NACC1: variants seen among roughly 807,000 people sequenced by gnomAD.
NACC1 encodes nucleus accumbens associated 1, also known as nucleus accumbens-associated protein 1.
Under a neutral mutation model 41.7 loss-of-function variants are expected in NACC1, and 6 were observed. The observed-to-expected ratio is 0.14, with a 90% confidence interval of 0.08 to 0.28. NACC1 has a LOEUF of 0.28. Among genes scored for constraint, NACC1 ranks in the 10% least tolerant of loss-of-function variants. The probability of loss-of-function intolerance (pLI) is 1.00; values close to 1 mark genes in which losing one functional copy is unlikely to be tolerated. For missense variants in NACC1, 434 were observed against 763.7 expected (o/e 0.57, Z 5.09); for synonymous variants, 338 against 330.6 (o/e 1.02, Z -0.24).
chr19:13,135,711 G>T lies in NACC1; in HGVS notation c.504G>T (p.Thr168=). 1 of 1,553,588 alleles carries T rather than the reference G, an allele frequency of 6.4e-7. No individual in the cohort carries two copies. Among genetic ancestry groups the T allele is most frequent in the East Asian group, 2.4e-5 (1 of 42,252 alleles). ...TGCCCCTCGTGTCGCGGGTGAAGAC[G>T]GAGCAGCAGGAGTCGGACTCCGTGC... ...TPLPLVSRVK[T]EQQESDSVQC... The change falls in exon 2 of 6, where the codon ACG becomes ACT. Residue 168 remains threonine (T), a synonymous_variant. Coordinates refer to ENST00000292431, the MANE Select transcript of NACC1 (RefSeq NM_052876.4).
chr19:13,138,113 C>T lies in NACC1; in HGVS notation c.1325-34C>T. The T allele has an allele frequency of 6.2e-7, 1 of 1,605,664 alleles. No individual in the cohort carries two copies. Among genetic ancestry groups the T allele is most frequent in the Non-Finnish European group, 8.5e-7 (1 of 1,174,066 alleles). ...TAGGCCTTGTGGGAGTCACCTGGCC[C>T]CCGTGCCAAGGCCGCACCCACCCTG... On this transcript the variant is annotated intron_variant, in intron 5 of 5. Coordinates refer to ENST00000292431, the MANE Select transcript of NACC1 (RefSeq NM_052876.4). The surrounding 1 kb of genome is among the most constrained non-coding windows in gnomAD (Gnocchi z 5.7).
At chr19:13,127,962 G>A (rs1276519958) in intron 1 of NACC1, among the ~76,000 whole-genome samples, 1 of 152,198 alleles carries the variant, frequency 6.6e-6, no homozygotes, top group Non-Finnish European at 1.5e-5. Context: ...ACTGCCAGGG[G>A]CCCCAATAAA....
chr19:13,131,260 C>T (rs2019631397), intron 1 of NACC1, among the ~76,000 whole-genome samples: 1 of 152,208 alleles, frequency 6.6e-6, no homozygotes, highest in Non-Finnish European at 1.5e-5. Context: ...GATGAATAAA[C>T]TGAGGCACAG....
Position 13,126,422 on chromosome 19 carries a change from C to T in NACC1, c.-9+7968C>T, listed in dbSNP as rs969613967. On this transcript the variant is annotated intron_variant, in intron 1 of 5. Transcript: ENST00000292431. ...TGAATTTTGGGAAGAGGCAAACATT[C>T]AGACCATAGCATCTGTCGACGGCCA... is the stretch of plus-strand genomic sequence containing the variant. Among the ~76,000 whole-genome samples, 5 of 152,296 alleles carry T rather than the reference C, an allele frequency of 3.3e-5. No individual in the cohort carries two copies. The South Asian group carries it at 1.0e-3, about 32-fold the overall frequency.
intron 1 of NACC1, among the ~76,000 whole-genome samples, chr19:13,134,168 C>T (rs1207532833): frequency 6.6e-6 from 1 of 152,052 alleles, no homozygotes; most frequent in Non-Finnish European, 1.5e-5. Context: ...AGATCCACCC[C>T]CCACCACACC....
chr19:13,127,400 T>TTTTTTTTTTTTTTTTTTTTTC (rs1245933408), intron 1 of NACC1, among the ~76,000 whole-genome samples: 11 of 100,828 alleles, frequency 1.1e-4, no homozygotes, highest in African/African-American at 3.9e-4. Flanking sequence ...TTTTTTTTTT[T>TTTTTTTTTTTTTTTTTTTTTC]CGGTTAACTG....
In NACC1 at chr19:13,138,111, C is replaced by T; in HGVS notation, c.1325-36C>T. The T allele has an allele frequency of 1.2e-6, 2 of 1,603,448 alleles. No homozygotes were observed. Among genetic ancestry groups the T allele is most frequent in the Non-Finnish European group, 1.7e-6 (2 of 1,173,226 alleles). On this transcript the variant is annotated intron_variant, in intron 5 of 5. Coordinates refer to ENST00000292431, the MANE Select transcript of NACC1 (RefSeq NM_052876.4). The surrounding 1 kb of genome is among the most constrained non-coding windows in gnomAD (Gnocchi z 5.7). ...AGTAGGCCTTGTGGGAGTCACCTGG[C>T]CCCCGTGCCAAGGCCGCACCCACCC...
At position 13,138,558 on chromosome 19, in the gene NACC1, T is replaced by A; in HGVS notation, c.*152T>A. 1 of 1,020,102 alleles carries A rather than the reference T, an allele frequency of 9.8e-7. No individual in the cohort carries two copies. Among genetic ancestry groups the A allele is most frequent in the Non-Finnish European group, 1.4e-6 (1 of 729,856 alleles). The allele number at this position is 1,020,102 out of a possible 1,614,324, so 63.2% of individuals were successfully genotyped here. ...TCTGCCCCTCCTGTCCTACCCCCTT[T>A]CCCCACCGAGAGCTGGGCCGGGAGA... On this transcript the variant is annotated 3_prime_UTR_variant, in exon 6 of 6. Transcript: ENST00000292431. The surrounding 1 kb of genome is among the most constrained non-coding windows in gnomAD (Gnocchi z 5.7).
upstream of NACC1, chr19:13,117,090 T>G (rs2019395192): frequency 1.3e-5 from 2 of 152,314 alleles, no homozygotes; most frequent in African/African-American, 4.8e-5. Context: ...GGCAGGTTAC[T>G]CCCGCGGCTT....
At chr19:13,130,130 A>G (rs4926117) in intron 1 of NACC1, among the ~76,000 whole-genome samples, 27,359 of 151,958 alleles carry the variant, frequency 0.18, 2,736 homozygotes, top group Non-Finnish European at 0.19. Flanking sequence ...AGGCTGAAAT[A>G]TAGTGGCACA....
At chr19:13,125,620 G>T (rs1014335804) in intron 1 of NACC1, among the ~76,000 whole-genome samples, 1 of 151,910 alleles carries the variant, frequency 6.6e-6, no homozygotes, top group Non-Finnish European at 1.5e-5. Flanking sequence ...GGGTTTCACT[G>T]TGTTGCCCAG....
In NACC1 at chr19:13,137,741, G is replaced by C. The variant is rs949731705; in HGVS notation, c.1324+166G>C. Among the ~76,000 whole-genome samples, 2 of 152,302 alleles carry C rather than the reference G, an allele frequency of 1.3e-5. No individual in the cohort carries two copies. Among genetic ancestry groups the C allele is most frequent in the Admixed American group, 6.5e-5 (1 of 15,300 alleles). On this transcript the variant is annotated intron_variant, in intron 5 of 5. Coordinates refer to ENST00000292431, the MANE Select transcript of NACC1 (RefSeq NM_052876.4). The surrounding 1 kb of genome is among the most constrained non-coding windows in gnomAD (Gnocchi z 6.1). Reference sequence around the variant, plus strand: ...GCTGTGATTGCTTAGAGATTTCTTCGTGTTTGGGGGATGCACGTGCCGAAG... The same window carrying C: ...GCTGTGATTGCTTAGAGATTTCTTCCTGTTTGGGGGATGCACGTGCCGAAG...
Position 13,136,556 on chromosome 19 carries a change from T to C in NACC1, c.1120+151T>C. On this transcript the variant is annotated intron_variant, in intron 3 of 5. Transcript: ENST00000292431. This position sits in a 1 kb window ranked among gnomAD's most constrained non-coding sequence, Gnocchi z 5.5. ...AACAGCCACCCTAAGGGTGGGGGCG[T>C]TGGTGAGATGGAGGAGCTGATACAG... 1.1e-6 allele frequency: 1 copy of C among 933,580 alleles called. No homozygotes were observed. The highest frequency in any genetic ancestry group is 1.5e-6 in the Non-Finnish European group (1 of 646,976). The allele number at this position is 933,580 out of a possible 1,614,324, so 57.8% of individuals were successfully genotyped here.
In NACC1 at chr19:13,138,619, CTTCT is replaced by C; in HGVS notation, c.*216_*219del. The C allele has an allele frequency of 1.5e-6, 1 of 659,026 alleles. No homozygotes were observed. Among genetic ancestry groups the C allele is most frequent in the Non-Finnish European group, 2.6e-6 (1 of 392,062 alleles). The allele number at this position is 659,026 out of a possible 1,614,324, so 40.8% of individuals were successfully genotyped here. A position where few individuals can be genotyped will look rare whatever the true frequency, so the allele number is the denominator to read the frequency against. ...GCAGGTGGCGTGAGGTCCGTGTTGC[CTTCT>C]TTAACACACACTCGTGCAGTGGGGG... On this transcript the variant is annotated 3_prime_UTR_variant, in exon 6 of 6. Coordinates refer to ENST00000292431, the MANE Select transcript of NACC1 (RefSeq NM_052876.4). This position sits in a 1 kb window ranked among gnomAD's most constrained non-coding sequence, Gnocchi z 5.7.
In NACC1 at chr19:13,137,763, G is replaced by A. The variant is rs773980944; in HGVS notation, c.1324+188G>A. Among the ~76,000 whole-genome samples, 3 of 152,202 alleles carry A rather than the reference G, an allele frequency of 2.0e-5. No homozygotes were observed. Among genetic ancestry groups the A allele is most frequent in the Non-Finnish European group, 4.4e-5 (3 of 68,036 alleles). ...TTCGTGTTTGGGGGATGCACGTGCC[G>A]AAGGGAAGCCAGGGAGCCTGTGTCA... is the stretch of plus-strand genomic sequence containing the variant. On this transcript the variant is annotated intron_variant, in intron 5 of 5. Transcript: ENST00000292431. The surrounding 1 kb of genome is among the most constrained non-coding windows in gnomAD (Gnocchi z 6.1).
At chr19:13,117,316 C>T (rs2019399592), upstream of NACC1, among the ~76,000 whole-genome samples, 1 of 152,202 alleles carries the variant, frequency 6.6e-6, no homozygotes, top group South Asian at 2.1e-4. Flanking sequence ...ACTTAAGTTA[C>T]CGCTTTTGCA....
At chr19:13,130,150 C>T (rs1399251373) in intron 1 of NACC1, among the ~76,000 whole-genome samples, 1 of 152,158 alleles carries the variant, frequency 6.6e-6, no homozygotes, top group Non-Finnish European at 1.5e-5. Context: ...AATCATCACT[C>T]ACTGCAGCCT....
Position 13,139,403 on chromosome 19 carries a change from A to G in NACC1, c.*997A>G, listed in dbSNP as rs1220440671. 2 of 151,910 alleles carry G rather than the reference A, an allele frequency of 1.3e-5. No homozygotes were observed. The highest frequency in any genetic ancestry group is 2.9e-5 in the Non-Finnish European group (2 of 67,974). The allele number at this position is 151,910 out of a possible 1,614,324, so 9.4% of individuals were successfully genotyped here. On this transcript the variant is annotated 3_prime_UTR_variant, in exon 6 of 6. Coordinates refer to ENST00000292431, the MANE Select transcript of NACC1 (RefSeq NM_052876.4). ...AAGATTCCTTTTATTTTTCAAACCA[A>G]TGGGGCTGTGTCTATTGTCCCCCTC...
rs1463401266 is a variant in NACC1, at chr19:13,139,937, C to G, written c.*1531C>G. The stretch of plus-strand genomic sequence containing the variant: ...TCCTCCCTGCCTCTCATCTGCCTCC[C>G]CAACCCCCACCTACCCACTGCTCCC... On this transcript the variant is annotated 3_prime_UTR_variant, in exon 6 of 6. Transcript: ENST00000292431. 2 of 152,422 alleles carry G rather than the reference C, an allele frequency of 1.3e-5. No individual in the cohort carries two copies. The highest frequency in any genetic ancestry group is 2.9e-5 in the Non-Finnish European group (2 of 68,244). The allele number at this position is 152,422 out of a possible 1,614,324, so 9.4% of individuals were successfully genotyped here. A position where few individuals can be genotyped will look rare whatever the true frequency, so the allele number is the denominator to read the frequency against.
Sources: allele counts gnomAD v4.1 joint callset (sites outside exome capture counted in the v4.1 genomes callset), GRCh38; gene constraint gnomAD v4.1.1; non-coding constraint Gnocchi (gnomAD v3.1); transcripts MANE v1.5; gene names NCBI Gene and HGNC (gene_info 2026-07-23, HGNC 2026-07-21).